The following RTN4RL1 variants were observed in gnomAD, a reference collection of about 807,000 sequenced individuals.
RTN4RL1 encodes the protein reticulon-4 receptor-like 1.
In RTN4RL1, 7 loss-of-function variants were observed where a neutral mutation model predicts 25.6. The observed-to-expected ratio is 0.27, with a 90% confidence interval of 0.16 to 0.51. RTN4RL1 has a LOEUF of 0.51. Ranked by LOEUF, RTN4RL1 falls within the 20% of genes least tolerant of loss-of-function variation. RTN4RL1 has a pLI of 0.97. For synonymous variants in RTN4RL1, 297 were observed against 288.2 expected (o/e 1.03, Z -0.31); for missense variants, 500 against 615.6 (o/e 0.81, Z 1.99).
At chr17:1,981,768 G>T (rs1246729081) in intron 1 of RTN4RL1, among the ~76,000 whole-genome samples, 5 of 152,264 alleles carry the variant, frequency 3.3e-5, no homozygotes, top group African/African-American at 1.2e-4. Context: ...CTGGGACACA[G>T]CTTGTACCCA....
intron 1 of RTN4RL1, among the ~76,000 whole-genome samples, chr17:1,967,166 G>C (rs1343802233): frequency 1.0e-4 from 15 of 149,152 alleles, no homozygotes; most frequent in Non-Finnish European, 1.5e-5. Context: ...AAGGAAGAGG[G>C]GGCCCTGGGT....
chr17:1,949,499 C>T (rs1413332729), intron 1 of RTN4RL1, among the ~76,000 whole-genome samples: 4 of 152,296 alleles, frequency 2.6e-5, no homozygotes, highest in East Asian at 1.9e-4. Context: ...AGGTGCAGAA[C>T]GCCCTGCCAG....
chr17:1,970,169 A>G (rs1163175049), intron 1 of RTN4RL1, among the ~76,000 whole-genome samples: 1 of 151,966 alleles, frequency 6.6e-6, no homozygotes, highest in East Asian at 1.9e-4. Context: ...TTACAGGCAC[A>G]TGCCACCACG....
At chr17:2,012,358 C>T (rs1353435925) in intron 1 of RTN4RL1, among the ~76,000 whole-genome samples, 2 of 152,244 alleles carry the variant, frequency 1.3e-5, no homozygotes, top group South Asian at 2.1e-4. Flanking sequence ...AGCTGGGCTG[C>T]GGTGAGGCGG....
rs2067255625 is a variant in RTN4RL1, at chr17:2,025,192, G to A, written c.-327C>T. The A allele has an allele frequency of 1.3e-5, 3 of 236,020 alleles. No homozygotes were observed. Among genetic ancestry groups the A allele is most frequent in the East Asian group, 1.6e-4 (2 of 12,560 alleles). 14.6% of individuals were successfully genotyped at this position (236,020 alleles called of 1,614,324 possible). ...TTCGCAGGCGGTTTTGAGGGGGGAC[G>A]CCGCCCCCTGGCCGGCCGGCCGCAG... On this transcript the variant is annotated 5_prime_UTR_variant, in exon 1 of 2. Transcript: ENST00000331238. The surrounding 1 kb of genome is among the most constrained non-coding windows in gnomAD (Gnocchi z 4.8).
chr17:2,023,927 G>A (rs527780710), intron 1 of RTN4RL1, among the ~76,000 whole-genome samples: 3 of 116,892 alleles, frequency 2.6e-5, no homozygotes, highest in Non-Finnish European at 6.3e-5. Context: ...GGCCAGGCGC[G>A]GGGGGGATCC....
At chr17:1,979,227 A>G (rs1209994373) in intron 1 of RTN4RL1, among the ~76,000 whole-genome samples, 2 of 152,186 alleles carry the variant, frequency 1.3e-5, no homozygotes, top group Non-Finnish European at 2.9e-5. Flanking sequence ...GAGCCAAGAT[A>G]GCGCCACTGC....
chr17:2,015,255 A>G (rs970533887), intron 1 of RTN4RL1, among the ~76,000 whole-genome samples: 5 of 152,096 alleles, frequency 3.3e-5, no homozygotes, highest in African/African-American at 1.2e-4. Flanking sequence ...CTGGAGAGCA[A>G]TGGTGCCAGA....
intron 1 of RTN4RL1, among the ~76,000 whole-genome samples, chr17:1,989,231 G>A (rs2066899669): frequency 6.6e-6 from 1 of 152,134 alleles, no homozygotes; most frequent in Non-Finnish European, 1.5e-5. Context: ...CTCAACTGAT[G>A]GAAGATGACG....
At chr17:1,980,323 G>A (rs963064136) in intron 1 of RTN4RL1, among the ~76,000 whole-genome samples, 3 of 150,550 alleles carry the variant, frequency 2.0e-5, no homozygotes, top group Non-Finnish European at 4.4e-5. Context: ...TGCCTGCCTC[G>A]GCCTCCCAAA....
intron 1 of RTN4RL1, among the ~76,000 whole-genome samples, chr17:2,024,185 T>G (rs1396806028): frequency 6.6e-6 from 1 of 152,112 alleles, no homozygotes; most frequent in Non-Finnish European, 1.5e-5. Context: ...CGAAGCCAGC[T>G]GTCCTCAAGT....
At chr17:1,951,182 A>G (rs956496890) in intron 1 of RTN4RL1, among the ~76,000 whole-genome samples, 1 of 151,548 alleles carries the variant, frequency 6.6e-6, no homozygotes, top group Non-Finnish European at 1.5e-5. Context: ...GGAGAATGGC[A>G]TGAACCTGGT....
chr17:1,987,248 G>A (rs535603714), intron 1 of RTN4RL1, among the ~76,000 whole-genome samples: 2 of 152,166 alleles, frequency 1.3e-5, no homozygotes, highest in Non-Finnish European at 2.9e-5. Flanking sequence ...CCCACCTTCC[G>A]GAGTGGGCTC....
rs1244929176 is a variant in RTN4RL1 at position 1,998,601 on chromosome 17, G to A, written c.13+26252C>T. The stretch of plus-strand genomic sequence containing the variant: ...TACAGACGTGAACGCTGAGGCGGAG[G>A]GTGGGGGACGTGGGGCCGGCTCGCC... On this transcript the variant is annotated intron_variant, in intron 1 of 1. Coordinates refer to ENST00000331238, the MANE Select transcript of RTN4RL1 (RefSeq NM_178568.4). This position sits in a 1 kb window ranked among gnomAD's most constrained non-coding sequence, Gnocchi z 4.9. Among the ~76,000 whole-genome samples the A allele has an allele frequency of 3.3e-5, 5 of 152,126 alleles. No individual in the cohort carries two copies. Among genetic ancestry groups the A allele is most frequent in the African/African-American group, 1.2e-4 (5 of 41,448 alleles).
intron 1 of RTN4RL1, among the ~76,000 whole-genome samples, chr17:2,001,054 C>T (rs929644457): frequency 7.1e-4 from 102 of 144,402 alleles, no homozygotes; most frequent in African/African-American, 2.4e-3. Flanking sequence ...TTTTCATTTA[C>T]TTTTTTTTTT....
intron 1 of RTN4RL1, among the ~76,000 whole-genome samples, chr17:1,954,680 G>A (rs148472990): frequency 1.3e-4 from 20 of 152,236 alleles, no homozygotes; most frequent in African/African-American, 4.1e-4. Context: ...GAGCCACTGC[G>A]CCCAGCCACT....
chr17:1,998,761 C>A lies in RTN4RL1; in HGVS notation c.13+26092G>T, dbSNP rs2066941774. 1.4e-5 allele frequency among the ~76,000 whole-genome samples: 2 copies of A among 147,376 alleles called. No homozygotes were observed. Among genetic ancestry groups the A allele is most frequent in the Admixed American group, 6.8e-5 (1 of 14,768 alleles). Reference sequence around the variant, plus strand: ...ACAGACGGGGACAGGGGCGGCCTCGCGCGCACGGGGACCCCGGGGTGGGGG... The same window carrying A: ...ACAGACGGGGACAGGGGCGGCCTCGAGCGCACGGGGACCCCGGGGTGGGGG... On this transcript the variant is annotated intron_variant, in intron 1 of 1. Coordinates refer to ENST00000331238, the MANE Select transcript of RTN4RL1 (RefSeq NM_178568.4). This position sits in a 1 kb window ranked among gnomAD's most constrained non-coding sequence, Gnocchi z 4.9.
intron 1 of RTN4RL1, among the ~76,000 whole-genome samples, chr17:1,961,987 G>T (rs2066766084): frequency 7.0e-6 from 1 of 142,140 alleles, no homozygotes. Context: ...AAGAAAGAAA[G>T]AAAAGAAAAG....
At chr17:1,944,365 C>T (rs1028265421) in intron 1 of RTN4RL1, among the ~76,000 whole-genome samples, 1 of 152,220 alleles carries the variant, frequency 6.6e-6, no homozygotes. Context: ...GCCTCCCAAA[C>T]TGAGCTCTGC....
Sources: gnomAD v4.1 joint callset for allele counts (sites outside exome capture counted in the v4.1 genomes callset) on GRCh38, gnomAD v4.1.1 for gene constraint, Gnocchi (gnomAD v3.1) non-coding constraint, MANE v1.5 for transcripts, NCBI Gene and HGNC (gene_info 2026-07-23, HGNC 2026-07-21) for gene names.